Variants in MAP3K4 observed in about 807,000 individuals in gnomAD.
The protein encoded by MAP3K4 is mitogen-activated protein kinase kinase kinase 4, also known as MAP three kinase 1.
Under a neutral mutation model 185.6 loss-of-function variants are expected in MAP3K4, and 67 were observed. That is an observed-to-expected ratio of 0.36 (90% CI 0.30 to 0.44). MAP3K4 has a LOEUF of 0.44. MAP3K4 is among the 20% of genes least tolerant of loss of function. The probability of loss-of-function intolerance (pLI) is 1.00; values close to 1 mark genes in which losing one functional copy is unlikely to be tolerated. For synonymous variants in MAP3K4, 702 were observed against 710.4 expected, an observed-to-expected ratio of 0.99 and a Z score of 0.19; for missense variants, 1,551 against 1,995.1, an observed-to-expected ratio of 0.78 and a Z score of 4.24.
At chr6:161,009,197 G>T (rs1263151766) in intron 1 of MAP3K4, among the ~76,000 whole-genome samples, 2 of 152,014 alleles carry the variant, frequency 1.3e-5, no homozygotes, top group Non-Finnish European at 2.9e-5. Flanking sequence ...TGTTGGCCAG[G>T]ATGGTCTCCA....
chr6:161,070,963 A>T lies in MAP3K4; in HGVS notation c.1950+113A>T. On this transcript the variant is annotated intron_variant, in intron 4 of 26. Transcript: ENST00000392142. The surrounding 1 kb of genome is among the most constrained non-coding windows in gnomAD (Gnocchi z 4.5). ...TTCTTAATTGTCGCAAATAGTGAAAAATGACTGTTTGTCCATGGTTTTAAG... is the reference window on the plus strand; with the variant it reads ...TTCTTAATTGTCGCAAATAGTGAAATATGACTGTTTGTCCATGGTTTTAAG... The T allele has an allele frequency of 9.9e-7, 1 of 1,008,554 alleles. No homozygotes were observed. The highest frequency in any genetic ancestry group is 2.7e-5 in the East Asian group (1 of 37,594). 62.5% of individuals were successfully genotyped at this position (1,008,554 alleles called of 1,614,324 possible).
At position 161,091,942 on chromosome 6, in the gene MAP3K4, C is replaced by T. The variant is rs1777329524; in HGVS notation, c.3136-68C>T. ...TTTTTAGAAAACATTTTAGACATGGCATTATAGTGTGTGATATTATTTAAT... is the reference window on the plus strand; with the variant it reads ...TTTTTAGAAAACATTTTAGACATGGTATTATAGTGTGTGATATTATTTAAT... On this transcript the variant is annotated intron_variant, in intron 12 of 26. Coordinates refer to ENST00000392142, the MANE Select transcript of MAP3K4 (RefSeq NM_005922.4). This position sits in a 1 kb window ranked among gnomAD's most constrained non-coding sequence, Gnocchi z 5.5. 6.9e-6 allele frequency: 9 copies of T among 1,305,202 alleles called. No homozygotes were observed. The East Asian group carries it at 1.8e-4, about 27-fold the overall frequency. 80.9% of individuals were successfully genotyped at this position (1,305,202 alleles called of 1,614,324 possible).
chr6:161,016,627 C>G (rs921201843), intron 1 of MAP3K4, among the ~76,000 whole-genome samples: 1 of 152,166 alleles, frequency 6.6e-6, no homozygotes, highest in African/African-American at 2.4e-5. Context: ...TTTGGCACCC[C>G]AGTTGAAAAT....
chr6:161,090,608 TG>T, intron 11 of MAP3K4, among the ~76,000 whole-genome samples: 1 of 68,986 alleles, frequency 1.4e-5, no homozygotes, highest in East Asian at 1.6e-3. Flanking sequence ...CTCTTGGTCA[TG>T]GAGGGCCGTC....
At chr6:161,000,034 T>G (rs1268714654) in intron 1 of MAP3K4, among the ~76,000 whole-genome samples, 1 of 152,206 alleles carries the variant, frequency 6.6e-6, no homozygotes. Flanking sequence ...GACAGTAAGA[T>G]TCTAACTTCT....
Position 161,114,605 on chromosome 6 carries a change from T to G in MAP3K4, c.4627-518T>G, listed in dbSNP as rs1405719097. ...AATGACGAAACAATAGTTTAGAAAT[T>G]AGAATGCCATACACACTTAGTTCCT... On this transcript the variant is annotated intron_variant, in intron 25 of 26. Transcript: ENST00000392142. This position sits in a 1 kb window ranked among gnomAD's most constrained non-coding sequence, Gnocchi z 4.3. Among the ~76,000 whole-genome samples, 1 of 152,236 alleles carries G rather than the reference T, an allele frequency of 6.6e-6. No individual in the cohort carries two copies. The highest frequency in any genetic ancestry group is 2.1e-4 in the South Asian group (1 of 4,834).
chr6:161,014,883 T>C (rs762164677), intron 1 of MAP3K4, among the ~76,000 whole-genome samples: 26 of 152,214 alleles, frequency 1.7e-4, no homozygotes, highest in Non-Finnish European at 3.4e-4. Context: ...AAAGAAACCC[T>C]GCACCATGTA....
intron 1 of MAP3K4, among the ~76,000 whole-genome samples, chr6:161,026,925 A>T (rs1214495672): frequency 6.6e-6 from 1 of 152,012 alleles, no homozygotes; most frequent in Non-Finnish European, 1.5e-5. Context: ...AATGATGAGT[A>T]AAAGTTTATC....
intron 2 of MAP3K4, among the ~76,000 whole-genome samples, chr6:161,039,803 T>C (rs1041841971): frequency 1.2e-4 from 19 of 152,352 alleles, no homozygotes; most frequent in African/African-American, 3.8e-4. Flanking sequence ...ATCCAACATA[T>C]AACTGCTCTT....
intron 3 of MAP3K4, among the ~76,000 whole-genome samples, chr6:161,065,937 C>CCA (rs1784690728): frequency 1.3e-5 from 1 of 78,848 alleles, no homozygotes; most frequent in African/African-American, 4.7e-5. Flanking sequence ...GACTCCGTCT[C>CCA]AAAAAAAAAA....
intron 1 of MAP3K4, among the ~76,000 whole-genome samples, chr6:161,000,854 T>C (rs150908701): frequency 9.4e-4 from 135 of 143,950 alleles, no homozygotes; most frequent in Non-Finnish European, 1.9e-3. Flanking sequence ...TACGCACATA[T>C]ACACATGTGT....
rs1778076748 is a variant in MAP3K4, at chr6:161,106,474, A to G, written c.3857-40A>G. 2 of 1,462,562 alleles carry G rather than the reference A, an allele frequency of 1.4e-6. No homozygotes were observed. The highest frequency in any genetic ancestry group is 9.3e-7 in the Non-Finnish European group (1 of 1,073,704). The allele number at this position is 1,462,562 out of a possible 1,614,324, so 90.6% of individuals were successfully genotyped here. On this transcript the variant is annotated intron_variant, in intron 19 of 26. Coordinates refer to ENST00000392142, the MANE Select transcript of MAP3K4 (RefSeq NM_005922.4). This position sits in a 1 kb window ranked among gnomAD's most constrained non-coding sequence, Gnocchi z 4.9. ...TTGTCTTTTGGAAACTGACTTGATA[A>G]CAGTGATTGGGACTAATGAGGTTTT...
At chr6:160,993,969 G>A (rs1780871738) in intron 1 of MAP3K4, among the ~76,000 whole-genome samples, 1 of 152,044 alleles carries the variant, frequency 6.6e-6, no homozygotes, top group African/African-American at 2.4e-5. Flanking sequence ...GTCACCACCT[G>A]CTCTTCAATA....
At chr6:161,013,790 A>G (rs933143771) in intron 1 of MAP3K4, among the ~76,000 whole-genome samples, 2 of 152,228 alleles carry the variant, frequency 1.3e-5, no homozygotes, top group Non-Finnish European at 2.9e-5. Context: ...ATGTAAATTA[A>G]GGGGCAGTTT....
Position 161,087,960 on chromosome 6 carries a change from G to A in MAP3K4, c.2823+6G>A. 1 of 1,605,102 alleles carries A rather than the reference G, an allele frequency of 6.2e-7. No individual in the cohort carries two copies. The highest frequency in any genetic ancestry group is 8.5e-7 in the Non-Finnish European group (1 of 1,177,570). ...ACACCCTGAGAAGCATGCAGGTACAGCTCATCTCCATCTTTGCAGCAGTGT... is the reference window on the plus strand; with the variant it reads ...ACACCCTGAGAAGCATGCAGGTACAACTCATCTCCATCTTTGCAGCAGTGT... On this transcript the variant is annotated splice_donor_region_variant and intron_variant, in intron 10 of 26. Coordinates refer to ENST00000392142, the MANE Select transcript of MAP3K4 (RefSeq NM_005922.4). The surrounding 1 kb of genome is among the most constrained non-coding windows in gnomAD (Gnocchi z 4.9).
rs1782150351 is a variant in MAP3K4, at chr6:161,017,080, C to G, written c.153-17179C>G. Among the ~76,000 whole-genome samples, 1 of 151,552 alleles carries G rather than the reference C, an allele frequency of 6.6e-6. No individual in the cohort carries two copies. The highest frequency in any genetic ancestry group is 2.1e-4 in the South Asian group (1 of 4,790). On this transcript the variant is annotated intron_variant, in intron 1 of 26. Coordinates refer to ENST00000392142, the MANE Select transcript of MAP3K4 (RefSeq NM_005922.4). The surrounding 1 kb of genome is among the most constrained non-coding windows in gnomAD (Gnocchi z 5.1). Reference sequence around the variant, plus strand: ...TGCTTTACTAAAGGTCTTGTGTGCACTGAAAAAAGAATTTTAGAAGCGAAA... The same window carrying G: ...TGCTTTACTAAAGGTCTTGTGTGCAGTGAAAAAAGAATTTTAGAAGCGAAA...
In MAP3K4 at chr6:161,049,306, A is replaced by G. The variant is rs527432855; in HGVS notation, c.1034A>G (p.Gln345Arg). 22 of 1,614,080 alleles carry G rather than the reference A, an allele frequency of 1.4e-5. No individual in the cohort carries two copies. The African/African-American group carries it at 2.7e-4, about 20-fold the overall frequency. Residue 345 changes from glutamine (Q) to arginine (R), a missense_variant, in exon 3 of 27, where the codon CAA becomes CGA. Transcript: ENST00000392142. This position sits in a 1 kb window ranked among gnomAD's most constrained non-coding sequence, Gnocchi z 8.4. ...VGYSTHHEHL[Q>R]RQRVSFEQVK... ...TACTCAACACATCATGAGCATCTCCAACGCCAGAGGGTCTCATTTGAGCAG... is the reference window on the plus strand; with the variant it reads ...TACTCAACACATCATGAGCATCTCCGACGCCAGAGGGTCTCATTTGAGCAG...
chr6:161,060,784 T>C (rs1784453051), intron 3 of MAP3K4, among the ~76,000 whole-genome samples: 1 of 151,862 alleles, frequency 6.6e-6, no homozygotes, highest in African/African-American at 2.4e-5. Context: ...CACGCCCAGG[T>C]AATTTTTTGT....
chr6:161,031,183 A>T (rs898290280), intron 1 of MAP3K4, among the ~76,000 whole-genome samples: 1 of 152,244 alleles, frequency 6.6e-6, no homozygotes, highest in Non-Finnish European at 1.5e-5. Flanking sequence ...TATAAGGATA[A>T]GACAGATGAC....
Sources: gnomAD v4.1 joint callset for allele counts (sites outside exome capture counted in the v4.1 genomes callset) on GRCh38, gnomAD v4.1.1 for gene constraint, Gnocchi (gnomAD v3.1) non-coding constraint, MANE v1.5 for transcripts, NCBI Gene and HGNC (gene_info 2026-07-23, HGNC 2026-07-21) for gene names.